RBM33: variants seen among roughly 807,000 people sequenced by gnomAD.
RBM33 encodes the protein RNA-binding protein 33.
Under a neutral mutation model 132.6 loss-of-function variants are expected in RBM33, and 28 were observed. That is an observed-to-expected ratio of 0.21 (90% confidence interval 0.16 to 0.29). The LOEUF (loss-of-function observed/expected upper bound fraction) is 0.29. RBM33 is among the 10% of genes least tolerant of loss of function. The probability of loss-of-function intolerance (pLI) is 1.00; values close to 1 mark genes in which losing one functional copy is unlikely to be tolerated. For synonymous variants in RBM33, 634 were observed against 593.0 expected, an observed-to-expected ratio of 1.07 and a Z score of -1.01; for missense variants, 1,291 against 1,518.5, an observed-to-expected ratio of 0.85 and a Z score of 2.49.
At chr7:155,741,648 G>A (rs1174664031) in intron 12 of RBM33, among the ~76,000 whole-genome samples, 171 bp from the exon 13 acceptor site, 1 of 152,132 alleles carries the variant, frequency 6.6e-6, no homozygotes, top group South Asian at 2.1e-4. Flanking sequence ...ACATGGATCA[G>A]GTGACATTTA....
intron 15 of RBM33, among the ~76,000 whole-genome samples, chr7:155,765,207 T>TA (rs1177625258): frequency 2.6e-5 from 4 of 152,206 alleles, no homozygotes; most frequent in African/African-American, 9.7e-5. Flanking sequence ...AAGATGCATT[T>TA]AAAAAAACCT....
chr7:155,678,207 T>C (rs73167120), intron 3 of RBM33, among the ~76,000 whole-genome samples: 9,842 of 152,334 alleles, frequency 0.065, 481 homozygotes, highest in African/African-American at 0.14. Flanking sequence ...TTACACTTTT[T>C]GTGTTGTTTA....
At chr7:155,717,823 T>C (rs997777002) in intron 8 of RBM33, among the ~76,000 whole-genome samples, 7 of 152,224 alleles carry the variant, frequency 4.6e-5, no homozygotes, top group Non-Finnish European at 8.8e-5. Context: ...GAAATCCTGC[T>C]TGTTTATAAA....
chr7:155,753,067 C>G (rs1801734512), intron 14 of RBM33, among the ~76,000 whole-genome samples: 1 of 152,174 alleles, frequency 6.6e-6, no homozygotes, highest in African/African-American at 2.4e-5. Flanking sequence ...GGCTTGCACT[C>G]TCTTACTGAA....
In RBM33 at chr7:155,711,418, C is replaced by T; in HGVS notation, c.1164C>T (p.Asn388=). The change falls in exon 8 of 18, where the codon AAC becomes AAT. Residue 388 remains asparagine, a synonymous_variant. Coordinates refer to ENST00000401878, the MANE Select transcript of RBM33 (RefSeq NM_053043.3). ...AGCAGCCCAAGAACATACACATCAACCCGCACTTCAAAGGGACGGTGGTCA... is the reference window on the plus strand; with the variant it reads ...AGCAGCCCAAGAACATACACATCAATCCGCACTTCAAAGGGACGGTGGTCA... ...TPQQPKNIHI[N]PHFKGTVVTP... is the part of the protein sequence containing the mutation. The T allele has an allele frequency of 1.3e-6, 2 of 1,520,948 alleles. No individual in the cohort carries two copies. The highest frequency in any genetic ancestry group is 1.4e-5 in the African/African-American group (1 of 70,714). The allele number at this position is 1,520,948 out of a possible 1,614,324, so 94.2% of individuals were successfully genotyped here.
At chr7:155,721,725 A>G (rs1800633691) in intron 9 of RBM33, among the ~76,000 whole-genome samples, 1 of 152,198 alleles carries the variant, frequency 6.6e-6, no homozygotes, top group African/African-American at 2.4e-5. Flanking sequence ...CATTTTTCAT[A>G]GTGTGTAAAA....
At chr7:155,756,854 A>G (rs1024709178) in intron 14 of RBM33, among the ~76,000 whole-genome samples, 4 of 152,152 alleles carry the variant, frequency 2.6e-5, no homozygotes, top group Non-Finnish European at 5.9e-5. Context: ...GTATCTGGGT[A>G]GTATCAAAAC....
chr7:155,752,910 C>T (rs997606187), intron 14 of RBM33, among the ~76,000 whole-genome samples: 3 of 152,250 alleles, frequency 2.0e-5, no homozygotes, highest in East Asian at 1.9e-4. Flanking sequence ...CTCATCTGAC[C>T]GTGTGTTTTC....
intron 9 of RBM33, 135 bp downstream of exon 9, chr7:155,718,578 A>G: frequency 1.4e-6 from 1 of 707,458 alleles, no homozygotes; most frequent in African/African-American, 1.8e-5. Flanking sequence ...AATCTCTGCA[A>G]TAGAAAATGT....
intron 14 of RBM33, among the ~76,000 whole-genome samples, chr7:155,748,527 C>T (rs1801592425): frequency 6.6e-6 from 1 of 152,218 alleles, no homozygotes; most frequent in Admixed American, 6.5e-5. Flanking sequence ...TGAGTGTACT[C>T]ATGTCTGTGA....
chr7:155,738,486 G>C, intron 11 of RBM33, 83 bp downstream of exon 11: 1 of 1,294,806 alleles, frequency 7.7e-7, no homozygotes, highest in South Asian at 1.5e-5. Context: ...ATTTTTATTT[G>C]AGCCTACTAA....
intron 14 of RBM33, among the ~76,000 whole-genome samples, chr7:155,757,253 A>G (rs921308136): frequency 2.6e-5 from 4 of 152,206 alleles, no homozygotes; most frequent in Admixed American, 6.5e-5. Context: ...TGTGTATGCT[A>G]GTTCACATTC....
intron 9 of RBM33, among the ~76,000 whole-genome samples, chr7:155,719,465 TGTA>T (rs1381155520): frequency 2.0e-5 from 3 of 152,184 alleles, no homozygotes; most frequent in Non-Finnish European, 4.4e-5. Context: ...TTCTTTGACT[TGTA>T]GTTATGAATT....
Position 155,774,735 on chromosome 7 carries a change from C to T in RBM33, c.3464+88C>T, listed in dbSNP as rs989424853. ...CCCTCCCATCCATCATGGTAGCAAG[C>T]GTGTGTCCCCACCTGTTCCTGTAGA... On this transcript the variant is annotated intron_variant, in intron 17 of 17. Transcript: ENST00000401878. This position sits in a 1 kb window ranked among gnomAD's most constrained non-coding sequence, Gnocchi z 4.2. 18 of 1,090,272 alleles carry T rather than the reference C, an allele frequency of 1.7e-5. No homozygotes were observed. Among genetic ancestry groups the T allele is most frequent in the South Asian group, 1.4e-4 (11 of 80,086 alleles). 67.5% of individuals were successfully genotyped at this position (1,090,272 alleles called of 1,614,324 possible).
At chr7:155,708,171 A>C (rs760648050) in intron 7 of RBM33, among the ~76,000 whole-genome samples, 15 of 152,226 alleles carry the variant, frequency 9.9e-5, no homozygotes, top group Non-Finnish European at 2.1e-4. Context: ...AGTAGAAGAG[A>C]TAATTTTTGT....
intron 5 of RBM33, among the ~76,000 whole-genome samples, chr7:155,692,362 A>C (rs780136569): frequency 2.6e-5 from 4 of 152,210 alleles, no homozygotes; most frequent in Non-Finnish European, 5.9e-5. Context: ...TTTTGTGAGC[A>C]AAGCGAGCAA....
chr7:155,680,572 T>C lies in RBM33; in HGVS notation c.249-18T>C. Reference sequence around the variant, plus strand: ...CTCTTCATTGGGTGCTTTTTTTTTTTATTTTCGTCCTCTCTAGTTCTCAGG... The same window carrying C: ...CTCTTCATTGGGTGCTTTTTTTTTTCATTTTCGTCCTCTCTAGTTCTCAGG... On this transcript the variant is annotated intron_variant, in intron 4 of 17. Transcript: ENST00000401878. 6.7e-7 allele frequency: 1 copy of C among 1,500,510 alleles called. No individual in the cohort carries two copies. Among genetic ancestry groups the C allele is most frequent in the Non-Finnish European group, 8.9e-7 (1 of 1,126,432 alleles). The allele number at this position is 1,500,510 out of a possible 1,614,324, so 92.9% of individuals were successfully genotyped here.
rs576216247 is a variant in RBM33, at chr7:155,765,826, A to G, written c.3187-641A>G. ...ATGCTTAGGCCCGCCTTAGACCAGCAGAATCATACTTGGGGAGTGCCTGGG... is the reference window on the plus strand; with the variant it reads ...ATGCTTAGGCCCGCCTTAGACCAGCGGAATCATACTTGGGGAGTGCCTGGG... On this transcript the variant is annotated intron_variant, in intron 15 of 17. Transcript: ENST00000401878. Among the ~76,000 whole-genome samples, 3 of 152,352 alleles carry G rather than the reference A, an allele frequency of 2.0e-5. No individual in the cohort carries two copies. The East Asian group carries it at 5.8e-4, about 29-fold the overall frequency.
chr7:155,759,638 C>T (rs534160645), intron 14 of RBM33, among the ~76,000 whole-genome samples: 1 of 152,182 alleles, frequency 6.6e-6, no homozygotes, highest in East Asian at 1.9e-4. Context: ...CCAGGATGGT[C>T]TCGATCTCCT....
Sources: gnomAD v4.1 joint callset for allele counts (sites outside exome capture counted in the v4.1 genomes callset) on GRCh38, gnomAD v4.1.1 for gene constraint, Gnocchi (gnomAD v3.1) non-coding constraint, MANE v1.5 for transcripts, NCBI Gene and HGNC (gene_info 2026-07-23, HGNC 2026-07-21) for gene names.